SEMA6D: variants seen among roughly 807,000 people sequenced by gnomAD.
SEMA6D encodes the protein semaphorin 6D.
A neutral mutation model predicts 106.6 loss-of-function variants in SEMA6D; 35 were observed. The observed-to-expected ratio is 0.33, with a 90% CI of 0.25 to 0.44. SEMA6D has a LOEUF of 0.44. Among genes scored for constraint, SEMA6D ranks in the 20% least tolerant of loss-of-function variants. SEMA6D has a pLI of 1.00. For missense variants in SEMA6D, 1,185 were observed against 1,345.9 expected, an observed-to-expected ratio of 0.88 and a Z score of 1.87; for synonymous variants, 499 against 487.7, an observed-to-expected ratio of 1.02 and a Z score of -0.31.
At chr15:47,676,639 G>A (rs2078251340) in intron 4 of SEMA6D, among the ~76,000 whole-genome samples, 1 of 152,154 alleles carries the variant, frequency 6.6e-6, no homozygotes. Context: ...GAGGTACCCT[G>A]CTAATCCCAA....
chr15:47,434,716 T>C (rs1054828003), intron 2 of SEMA6D, among the ~76,000 whole-genome samples: 1 of 152,162 alleles, frequency 6.6e-6, no homozygotes, highest in Non-Finnish European at 1.5e-5. Flanking sequence ...TACAAATGGA[T>C]AATGTGTGGT....
chr15:47,249,511 G>A lies in SEMA6D; in HGVS notation c.-239+65093G>A, dbSNP rs1048049621. On this transcript the variant is annotated intron_variant, in intron 1 of 19. Coordinates refer to the SEMA6D transcript ENST00000558014. ...TCTCTACCCACCCCCCATGCTCCAAGAAGTTAAGGGAGATGGGAATGTCCT... is the reference window on the plus strand; with the variant it reads ...TCTCTACCCACCCCCCATGCTCCAAAAAGTTAAGGGAGATGGGAATGTCCT... 1.2e-4 allele frequency among the ~76,000 whole-genome samples: 18 copies of A among 151,114 alleles called. No individual in the cohort carries two copies. The East Asian group carries it at 3.3e-3, about 28-fold the overall frequency.
intron 1 of SEMA6D, among the ~76,000 whole-genome samples, chr15:47,726,819 C>G (rs589889): frequency 0.23 from 34,443 of 152,082 alleles, 4,362 homozygotes; most frequent in South Asian, 0.33. Flanking sequence ...ATGCTTTTAG[C>G]CCTTGTACTG....
intron 3 of SEMA6D, among the ~76,000 whole-genome samples, chr15:47,592,976 C>G (rs1194066355): frequency 6.6e-6 from 1 of 152,154 alleles, no homozygotes; most frequent in African/African-American, 2.4e-5. Context: ...TGGCACAGTA[C>G]AGATCATACA....
At chr15:47,759,930 T>G in intron 2 of SEMA6D, 23 bp downstream of exon 2, 1 of 1,505,036 alleles carries the variant, frequency 6.6e-7, no homozygotes, top group Non-Finnish European at 9.3e-7. Flanking sequence ...AAGAACAGTC[T>G]TCTATTCTGA....
chr15:47,672,977 A>C (rs1321525775), intron 4 of SEMA6D, among the ~76,000 whole-genome samples: 1 of 152,172 alleles, frequency 6.6e-6, no homozygotes, highest in Non-Finnish European at 1.5e-5. Flanking sequence ...CAACCCCTAT[A>C]GCTTCTGGTG....
At chr15:47,215,546 A>C (rs1284472604) in intron 1 of SEMA6D, among the ~76,000 whole-genome samples, 2 of 152,180 alleles carry the variant, frequency 1.3e-5, no homozygotes, top group Non-Finnish European at 2.9e-5. Flanking sequence ...AAATTCATAG[A>C]TGTATTAATT....
intron 1 of SEMA6D, among the ~76,000 whole-genome samples, chr15:47,741,118 C>G (rs949776192): frequency 6.6e-6 from 1 of 152,156 alleles, no homozygotes; most frequent in East Asian, 1.9e-4. Context: ...TTAATAAATT[C>G]TTAAGTTCCT....
chr15:47,633,497 A>G (rs1174808163), intron 4 of SEMA6D, among the ~76,000 whole-genome samples: 1 of 152,140 alleles, frequency 6.6e-6, no homozygotes, highest in Non-Finnish European at 1.5e-5. Context: ...CTGTCATACA[A>G]ATTAGTATTC....
At chr15:47,702,491 A>G (rs1189391895) in intron 4 of SEMA6D, among the ~76,000 whole-genome samples, 1 of 152,228 alleles carries the variant, frequency 6.6e-6, no homozygotes, top group Non-Finnish European at 1.5e-5. Context: ...TATGCTTACC[A>G]TACAATCCAA....
chr15:47,772,540 C>T lies in SEMA6D; in HGVS notation c.*755C>T, dbSNP rs1289154866. 2.0e-5 allele frequency: 3 copies of T among 152,404 alleles called. No homozygotes were observed. The highest frequency in any genetic ancestry group is 7.3e-5 in the African/African-American group (3 of 41,354). 9.4% of individuals were successfully genotyped at this position (152,404 alleles called of 1,614,324 possible). A position where few individuals can be genotyped will look rare whatever the true frequency, so the allele number is the denominator to read the frequency against. ...TTGAAAGAGGAATAGAATCGAGGCT[C>T]CTTTGACCATCAAAATGATGAACTT... On this transcript the variant is annotated 3_prime_UTR_variant, in exon 19 of 19. Coordinates refer to ENST00000536845, the MANE Select transcript of SEMA6D (RefSeq NM_001358351.3).
intron 3 of SEMA6D, among the ~76,000 whole-genome samples, chr15:47,566,504 T>A (rs1197067324): frequency 6.6e-6 from 1 of 152,182 alleles, no homozygotes; most frequent in Non-Finnish European, 1.5e-5. Context: ...AGTTCCCACA[T>A]CTGTAGGGAC....
intron 2 of SEMA6D, among the ~76,000 whole-genome samples, chr15:47,423,691 C>T (rs2041241333): frequency 6.6e-6 from 1 of 151,894 alleles, no homozygotes; most frequent in Admixed American, 6.6e-5. Flanking sequence ...ATGAAATATT[C>T]ACCACTACAG....
At chr15:47,701,425 C>G (rs865856845) in intron 4 of SEMA6D, among the ~76,000 whole-genome samples, 1 of 151,994 alleles carries the variant, frequency 6.6e-6, no homozygotes, top group Non-Finnish European at 1.5e-5. Flanking sequence ...AGGAGGAATA[C>G]GTTCACTATA....
chr15:47,318,915 C>T (rs2036807786), intron 1 of SEMA6D, among the ~76,000 whole-genome samples: 1 of 151,922 alleles, frequency 6.6e-6, no homozygotes, highest in Non-Finnish European at 1.5e-5. Flanking sequence ...TTCTCCACAT[C>T]CTCTCCAGCA....
intron 3 of SEMA6D, among the ~76,000 whole-genome samples, chr15:47,553,460 C>G (rs926043946): frequency 6.6e-6 from 1 of 152,152 alleles, no homozygotes; most frequent in Non-Finnish European, 1.5e-5. Flanking sequence ...AGCCTATCAC[C>G]CTTTTCCTTT....
rs117648150 is a variant in SEMA6D, at chr15:47,726,661, G to A, written c.-55+8969G>A. Among the ~76,000 whole-genome samples, 895 of 152,268 alleles carry A rather than the reference G, an allele frequency of 5.9e-3. 6 individuals carry two copies. Among genetic ancestry groups the A allele is most frequent in the Admixed American group, 0.02 (311 of 15,288 alleles). The stretch of plus-strand genomic sequence containing the variant: ...TTCACCTTATAAAAGGTGGATGATG[G>A]TGGTAATACCCACCTCCTAGGGGTG... On this transcript the variant is annotated intron_variant, in intron 1 of 18. Transcript: ENST00000536845.
chr15:47,681,608 A>C (rs2078354657), intron 4 of SEMA6D, among the ~76,000 whole-genome samples: 1 of 152,232 alleles, frequency 6.6e-6, no homozygotes, highest in Non-Finnish European at 1.5e-5. Context: ...TATTTAGCAA[A>C]ATAAAAAAAT....
At chr15:47,314,283 C>T (rs1174046432) in intron 1 of SEMA6D, among the ~76,000 whole-genome samples, 1 of 152,070 alleles carries the variant, frequency 6.6e-6, no homozygotes, top group Non-Finnish European at 1.5e-5. Context: ...AATTGAGTTG[C>T]ATGTTTTCCT....
Sources: allele counts gnomAD v4.1 joint callset (sites outside exome capture counted in the v4.1 genomes callset), GRCh38; gene constraint gnomAD v4.1.1; transcripts MANE v1.5; gene names NCBI Gene and HGNC (gene_info 2026-07-23, HGNC 2026-07-21).